MMP17: variants seen among roughly 807,000 people sequenced by gnomAD.
The protein encoded by MMP17 is matrix metalloproteinase-17.
Under a neutral mutation model 49.1 loss-of-function variants are expected in MMP17, and 54 were observed. That is an observed-to-expected ratio of 1.10 (90% CI 0.88 to 1.38). MMP17 has a LOEUF of 1.38. MMP17 is among the 40% of genes most tolerant of loss of function. The pLI is 0.00. For missense variants in MMP17, 837 were observed against 853.7 expected (o/e 0.98, Z 0.24); for synonymous variants, 397 against 383.1 (o/e 1.04, Z -0.42).
Position 131,850,926 on chromosome 12 carries a change from T to A in MMP17, c.1464T>A (p.Gly488=). 6.8e-7 allele frequency: 1 copy of A among 1,471,612 alleles called. No homozygotes were observed. The highest frequency in any genetic ancestry group is 9.0e-7 in the Non-Finnish European group (1 of 1,109,186). The allele number at this position is 1,471,612 out of a possible 1,614,324, so 91.2% of individuals were successfully genotyped here. The part of the protein sequence containing the change: ...TLDDAMRWSD[G]ASYFFRGQEY... Reference sequence around the variant, plus strand: ...CTCAGCTCTCCCTCCTCTTCTCAGGTGCCTCCTACTTCTTCCGTGGCCAGG... The same window carrying A: ...CTCAGCTCTCCCTCCTCTTCTCAGGAGCCTCCTACTTCTTCCGTGGCCAGG... Residue 488 remains glycine (G), a splice_region_variant and synonymous_variant, in exon 10 of 10, where the codon GGT becomes GGA. Coordinates refer to ENST00000360564, the MANE Select transcript of MMP17 (RefSeq NM_016155.7).
intron 6 of MMP17, chr12:131,844,637 C>T (rs1459779665): frequency 9.1e-6 from 2 of 220,036 alleles, no homozygotes; most frequent in Non-Finnish European, 1.8e-5. Context: ...CAGGACCGTA[C>T]GTGTAACCCT....
chr12:131,841,545 T>G, intron 4 of MMP17, 79 bp from the exon 5 acceptor site: 1 of 1,458,826 alleles, frequency 6.9e-7, no homozygotes, highest in Non-Finnish European at 9.6e-7. Flanking sequence ...CCCCAGAGCA[T>G]GGTGGGGGCC....
At chr12:131,837,165 G>T (rs1280585950) in intron 1 of MMP17, among the ~76,000 whole-genome samples, 2 of 152,202 alleles carry the variant, frequency 1.3e-5, no homozygotes, top group African/African-American at 4.8e-5. Context: ...TCCACGTCCT[G>T]GCTCACGTCC....
In MMP17 at chr12:131,849,959, C is replaced by T. The variant is rs138985754; in HGVS notation, c.1362C>T (p.Tyr454=). The change falls in exon 9 of 10, where the codon TAC becomes TAT. Residue 454 remains tyrosine, a synonymous_variant. Transcript: ENST00000360564. ...TTAAGGACCAGCTGTACTGGCGCTA[C>T]GATGACCACACGAGGCACATGGACC... ...YFFKDQLYWR[Y]DDHTRHMDPG... is the part of the protein sequence containing the mutation. 345 of 1,614,002 alleles carry T rather than the reference C, an allele frequency of 2.1e-4. No individual in the cohort carries two copies. The highest frequency in any genetic ancestry group is 5.6e-4 in the East Asian group (25 of 44,878).
rs982284232 is a variant in MMP17, at chr12:131,850,067, C to A, written c.1462+8C>A. On this transcript the variant is annotated splice_region_variant and intron_variant, in intron 9 of 9. Transcript: ENST00000360564. ...CCATGCGCTGGTCCGACGGTGAGTG[C>A]CAGCTGGGGGGACGGGCCATGCGGC... 6.2e-7 allele frequency: 1 copy of A among 1,602,964 alleles called. No homozygotes were observed. The highest frequency in any genetic ancestry group is 8.5e-7 in the Non-Finnish European group (1 of 1,174,212).
At position 131,840,635 on chromosome 12, in the gene MMP17, A is replaced by G. The variant is rs751072620; in HGVS notation, c.485A>G (p.Tyr162Cys). Residue 162 changes from tyrosine (Y) to cysteine (C), a missense_variant, in exon 4 of 10, where the codon TAC (tyrosine) becomes TGC (cysteine). Transcript: ENST00000360564. ...GHDTVRALMYYALKVWSDIAP... is the reference protein window; with the variant it reads ...GHDTVRALMYCALKVWSDIAP... ...GACACGGTGCGTGCACTCATGTACT[A>G]CGCCCTCAAGGTCTGGAGCGACATT... 8.5e-5 allele frequency: 137 copies of G among 1,609,184 alleles called. No homozygotes were observed. Among genetic ancestry groups the G allele is most frequent in the Non-Finnish European group, 1.1e-4 (129 of 1,179,922 alleles).
chr12:131,838,379 C>T (rs763491001), intron 2 of MMP17, 52 bp downstream of exon 2: 10 of 1,593,966 alleles, frequency 6.3e-6, no homozygotes, highest in Admixed American at 3.5e-5. Context: ...CAGGTCTGCG[C>T]CCGTCGGCCA....
Position 131,846,357 on chromosome 12 carries a change from G to A in MMP17, c.1204+908G>A, listed in dbSNP as rs1239946030. 3.3e-5 allele frequency among the ~76,000 whole-genome samples: 5 copies of A among 152,036 alleles called. No individual in the cohort carries two copies. The highest frequency in any genetic ancestry group is 7.4e-5 in the Non-Finnish European group (5 of 68,008). On this transcript the variant is annotated intron_variant, in intron 8 of 9. Coordinates refer to ENST00000360564, the MANE Select transcript of MMP17 (RefSeq NM_016155.7). The surrounding 1 kb of genome is among the most constrained non-coding windows in gnomAD (Gnocchi z 4.6). ...GCCGGGCCTTGATTCAGGTCCCCTA[G>A]TCCTGTTTGTTTTTTGTTTTTTGTT... is the stretch of plus-strand genomic sequence containing the variant.
Position 131,842,426 on chromosome 12 carries a change from A to G in MMP17, c.883+626A>G, listed in dbSNP as rs115168555. 2.6e-3 allele frequency among the ~76,000 whole-genome samples: 390 copies of G among 152,304 alleles called. 2 individuals are homozygous for G. The highest frequency in any genetic ancestry group is 9.0e-3 in the African/African-American group (375 of 41,570). On this transcript the variant is annotated intron_variant, in intron 5 of 9. Transcript: ENST00000360564. ...CTCAGCATCGTCCTTGCCGCTTCAC[A>G]TGCTCTGACATCCATGCATCGTTTC...
intron 1 of MMP17, 40 bp from the exon 2 acceptor site, chr12:131,838,155 G>T (rs1368979870): frequency 2.5e-6 from 4 of 1,572,248 alleles, no homozygotes; most frequent in South Asian, 1.2e-5. Context: ...GTAGGACCGG[G>T]CCCTCTGTTG....
chr12:131,848,433 T>TAGTA (rs539870218), intron 8 of MMP17, among the ~76,000 whole-genome samples: 2,516 of 152,342 alleles, frequency 0.017, 35 homozygotes, highest in Middle Eastern at 0.061. Context: ...CACACTTTAC[T>TAGTA]ATTTCAGCCA....
At chr12:131,835,314 G>A (rs937979025) in intron 1 of MMP17, among the ~76,000 whole-genome samples, 3 of 152,238 alleles carry the variant, frequency 2.0e-5, no homozygotes, top group South Asian at 2.1e-4. Context: ...TGCCTGTCCC[G>A]GGCTGGTGCT....
chr12:131,843,942 T>C, intron 5 of MMP17, 55 bp from the exon 6 acceptor site: 1 of 1,250,016 alleles, frequency 8.0e-7, no homozygotes, highest in East Asian at 2.8e-5. Flanking sequence ...TGGTGGGATG[T>C]GGGGGGAGGC....
At chr12:131,838,566 G>A (rs751557768) in intron 2 of MMP17, 46 bp from the exon 3 acceptor site, 3 of 1,574,076 alleles carry the variant, frequency 1.9e-6, no homozygotes, top group African/African-American at 2.7e-5. Context: ...ATCCTAGGGT[G>A]GGGAGTGAGC....
intron 5 of MMP17, among the ~76,000 whole-genome samples, chr12:131,843,049 G>A (rs1038738451): frequency 6.6e-5 from 10 of 151,942 alleles, no homozygotes; most frequent in African/African-American, 1.2e-4. Context: ...AGGCTGGAGC[G>A]CAGTGGCGCG....
At chr12:131,850,128 G>A (rs61942402) in intron 9 of MMP17, 69 bp downstream of exon 9, 311,779 of 1,497,632 alleles carry the variant, frequency 0.21, 34,431 homozygotes, top group Non-Finnish European at 0.22. Context: ...CATCACTACA[G>A]GGCAGCCAAG....
In MMP17 at chr12:131,834,085, G is replaced by A. The variant is rs112333328; in HGVS notation, c.160-4110G>A. ...TGCGTCAGAGTCAGGGGCTGTGGGT[G>A]CCCACTTCCTGCCTGTGCCCCCCAG... On this transcript the variant is annotated intron_variant, in intron 1 of 9. Transcript: ENST00000360564. Among the ~76,000 whole-genome samples the A allele has an allele frequency of 5.0e-3, 763 of 152,360 alleles. 13 individuals carry two copies. Among genetic ancestry groups the A allele is most frequent in the African/African-American group, 0.017 (723 of 41,596 alleles).
intron 6 of MMP17, chr12:131,844,625 C>T (rs1887597826): frequency 4.5e-6 from 1 of 223,258 alleles, no homozygotes; most frequent in Admixed American, 5.3e-5. Context: ...CCCCAGATGT[C>T]ACAGGACCGT....
intron 2 of MMP17, 70 bp from the exon 3 acceptor site, chr12:131,838,542 T>G (rs1490477568): frequency 1.3e-6 from 2 of 1,538,616 alleles, no homozygotes; most frequent in Non-Finnish European, 1.8e-6. Context: ...CTCCCACCCT[T>G]GCGGATGCTC....
Sources: allele counts gnomAD v4.1 joint callset (sites outside exome capture counted in the v4.1 genomes callset), GRCh38; gene constraint gnomAD v4.1.1; non-coding constraint Gnocchi (gnomAD v3.1); transcripts MANE v1.5; gene names NCBI Gene and HGNC (gene_info 2026-07-23, HGNC 2026-07-21).